The following VPS13D variants were observed in gnomAD, a reference collection of about 807,000 sequenced individuals.
VPS13D encodes vacuolar protein sorting 13 homolog D.
VPS13D carries 187 observed loss-of-function variants against 461.9 expected under a neutral mutation model. The observed-to-expected ratio is 0.40, with a 90% CI of 0.36 to 0.46. The LOEUF (loss-of-function observed/expected upper bound fraction) is 0.46. VPS13D is among the 20% of genes least tolerant of loss of function. The pLI, the probability that VPS13D is intolerant of heterozygous loss-of-function variation, is 0.60. For missense variants in VPS13D, 4,711 were observed against 5,364.9 expected (o/e 0.88, Z 3.81); for synonymous variants, 1,951 against 1,986.3 (o/e 0.98, Z 0.47).
rs902890653 is a variant in VPS13D at position 12,505,055 on chromosome 1, A to T, written c.12795-1798A>T. Among the ~76,000 whole-genome samples the T allele has an allele frequency of 6.6e-6, 1 of 152,166 alleles. No homozygotes were observed. The highest frequency in any genetic ancestry group is 1.5e-5 in the Non-Finnish European group (1 of 68,034). On this transcript the variant is annotated intron_variant, in intron 68 of 69. Transcript: ENST00000620676. The surrounding 1 kb of genome is among the most constrained non-coding windows in gnomAD (Gnocchi z 4.2). ...TCATGCACATTCCTGCTGTCATCCC[A>T]ATCATGGTGGCCAACTTTGGAGTCT... is the stretch of plus-strand genomic sequence containing the variant.
At chr1:12,320,862 C>T (rs749952113) in intron 32 of VPS13D, among the ~76,000 whole-genome samples, 1 of 152,190 alleles carries the variant, frequency 6.6e-6, no homozygotes, top group African/African-American at 2.4e-5. Context: ...GCCTTTGAGG[C>T]AGCACAATTG....
chr1:12,285,193 C>T (rs1490972187), intron 21 of VPS13D, among the ~76,000 whole-genome samples: 1 of 152,004 alleles, frequency 6.6e-6, no homozygotes, highest in Non-Finnish European at 1.5e-5. Context: ...TAATGAACCC[C>T]CATTTGCCCA....
intron 2 of VPS13D, among the ~76,000 whole-genome samples, chr1:12,237,894 G>A (rs1640208189): frequency 6.6e-6 from 1 of 152,028 alleles, no homozygotes; most frequent in Non-Finnish European, 1.5e-5. Context: ...GGTGGCTTAC[G>A]CCTGTAATTC....
chr1:12,304,721 T>C lies in VPS13D; in HGVS notation c.6432T>C (p.Ser2144=), dbSNP rs146325014. The part of the protein sequence containing the change: ...QPTLSVGQES[S]SPEDHVCLLD... ...CACTGTCTGTTGGCCAAGAGTCCAG[T>C]AGTCCAGGTAAAAGAGGAGAAAAGC... The change falls in exon 26 of 70, where the codon AGT becomes AGC. Residue 2144 remains serine (S), a synonymous_variant. Transcript: ENST00000620676. 1.1e-5 allele frequency: 17 copies of C among 1,613,656 alleles called. No individual in the cohort carries two copies. The highest frequency in any genetic ancestry group is 1.4e-5 in the Non-Finnish European group (17 of 1,180,018).
At chr1:12,246,004 T>C (rs966388599) in intron 5 of VPS13D, among the ~76,000 whole-genome samples, 1 of 152,218 alleles carries the variant, frequency 6.6e-6, no homozygotes, top group African/African-American at 2.4e-5. Context: ...AAGCTGGACC[T>C]CAGAGCAATG....
rs1486282077 is a variant in VPS13D, at chr1:12,314,181, G to T, written c.7002G>T (p.Leu2334Phe). The T allele has an allele frequency of 6.2e-6, 10 of 1,614,164 alleles. No individual in the cohort carries two copies. Among genetic ancestry groups the T allele is most frequent in the Non-Finnish European group, 8.5e-6 (10 of 1,180,026 alleles). Residue 2334 changes from leucine to phenylalanine, a missense_variant, in exon 30 of 70, where the codon TTG becomes TTT. By Grantham distance (22) the Leu-to-Phe change is conservative. This residue lies in a region of VPS13D where 4,411 missense variants were observed against 4,937.8 expected (regional missense o/e 0.89). Transcript: ENST00000620676. The part of the protein sequence containing the change: ...SFSNQTKSIN[L>F]VSHSMMAFDT... The stretch of plus-strand genomic sequence containing the variant: ...CCAACCAAACCAAGTCCATTAACTT[G>T]GTTTCCCATTCCATGATGGCTTTTG...
At chr1:12,381,765 T>G (rs1438796636) in intron 57 of VPS13D, among the ~76,000 whole-genome samples, 1 of 152,222 alleles carries the variant, frequency 6.6e-6, no homozygotes, top group Non-Finnish European at 1.5e-5. Context: ...TGTCTATAAA[T>G]TTGTTCTGAC....
intron 67 of VPS13D, among the ~76,000 whole-genome samples, chr1:12,460,797 T>C (rs1257727221): frequency 6.6e-6 from 1 of 152,092 alleles, no homozygotes; most frequent in South Asian, 2.1e-4. Flanking sequence ...AACTGTCAGA[T>C]TGTAGTCTGG....
chr1:12,285,447 T>C (rs934364772), intron 21 of VPS13D, among the ~76,000 whole-genome samples: 3 of 151,912 alleles, frequency 2.0e-5, no homozygotes, highest in African/African-American at 7.2e-5. Flanking sequence ...CGCGCCGCCA[T>C]GCCCATCTAA....
rs1201639565 is a variant in VPS13D, at chr1:12,244,448, ATCT to A, written c.366+16_366+18del. The A allele has an allele frequency of 6.2e-7, 1 of 1,613,930 alleles. No individual in the cohort carries two copies. The highest frequency in any genetic ancestry group is 8.5e-7 in the Non-Finnish European group (1 of 1,179,946). ...AGGAGAAATGGAAGGCAAGGCAGAG[ATCT>A]TCTGGGCCATAAGAGCAGTTGTGGT... On this transcript the variant is annotated intron_variant, in intron 4 of 69. Coordinates refer to ENST00000620676, the MANE Select transcript of VPS13D (RefSeq NM_015378.4).
At chr1:12,436,322 A>G (rs1326110284) in intron 65 of VPS13D, among the ~76,000 whole-genome samples, 1 of 152,214 alleles carries the variant, frequency 6.6e-6, no homozygotes, top group Non-Finnish European at 1.5e-5. Flanking sequence ...CTGAAGTCCA[A>G]GGAGATGCTT....
chr1:12,320,725 G>A (rs979324498), intron 32 of VPS13D, among the ~76,000 whole-genome samples: 1 of 152,172 alleles, frequency 6.6e-6, no homozygotes, highest in East Asian at 1.9e-4. Context: ...TGAACTGTCA[G>A]GTACAATTGG....
intron 67 of VPS13D, among the ~76,000 whole-genome samples, chr1:12,481,102 G>A (rs1645709401): frequency 6.6e-6 from 1 of 152,222 alleles, no homozygotes; most frequent in African/African-American, 2.4e-5. Context: ...CTAGAGCACA[G>A]GCTTTGTGTT....
intron 23 of VPS13D, among the ~76,000 whole-genome samples, chr1:12,292,626 A>G (rs1387410498): frequency 6.6e-6 from 1 of 151,856 alleles, no homozygotes; most frequent in East Asian, 1.9e-4. Context: ...TTTTTGGGAG[A>G]TAGGGTTTCA....
chr1:12,240,807 T>C (rs1451890089), intron 2 of VPS13D, among the ~76,000 whole-genome samples: 3 of 86,682 alleles, frequency 3.5e-5, no homozygotes, highest in African/African-American at 1.4e-4. Flanking sequence ...TCGTAAGGTA[T>C]GGTGGTGGGG....
intron 65 of VPS13D, among the ~76,000 whole-genome samples, chr1:12,445,771 G>C (rs1207711712): frequency 6.6e-6 from 1 of 152,188 alleles, no homozygotes; most frequent in African/African-American, 2.4e-5. Flanking sequence ...GATCAAGCCA[G>C]TTTTCTAAAG....
At chr1:12,383,963 G>A (rs1354705042) in intron 58 of VPS13D, among the ~76,000 whole-genome samples, 1 of 152,176 alleles carries the variant, frequency 6.6e-6, no homozygotes, top group Non-Finnish European at 1.5e-5. Context: ...AGAAGCAGGG[G>A]CCAGATCATA....
intron 29 of VPS13D, among the ~76,000 whole-genome samples, chr1:12,312,134 C>T (rs1233478102): frequency 6.6e-6 from 1 of 152,218 alleles, no homozygotes; most frequent in African/African-American, 2.4e-5. Context: ...GCTGTAGTAA[C>T]AGACAACCCC....
In VPS13D at chr1:12,321,998, T is replaced by C. The variant is rs542731517; in HGVS notation, c.7704+34T>C. 8.1e-6 allele frequency: 13 copies of C among 1,610,992 alleles called. 1 individual carries two copies. Among genetic ancestry groups the C allele is most frequent in the South Asian group, 6.6e-5 (6 of 90,458 alleles). On this transcript the variant is annotated intron_variant, in intron 33 of 69. Coordinates refer to ENST00000620676, the MANE Select transcript of VPS13D (RefSeq NM_015378.4). ...GCAAAATCTGTGCAATACGTTGATA[T>C]GCTCTCAAACACTGTCCTATGCAGG...
Sources: gnomAD v4.1 joint callset for allele counts (sites outside exome capture counted in the v4.1 genomes callset) on GRCh38, gnomAD v4.1.1 for gene constraint, gnomAD v4.1.1 regional missense constraint, Gnocchi (gnomAD v3.1) non-coding constraint, MANE v1.5 for transcripts, NCBI Gene and HGNC (gene_info 2026-07-23, HGNC 2026-07-21) for gene names.